PLEKHM3: variants seen among roughly 807,000 people sequenced by gnomAD.
The protein encoded by PLEKHM3 is pleckstrin homology domain-containing family M member 3.
PLEKHM3 carries 45 observed loss-of-function variants against 81.8 expected under a neutral mutation model. That is an observed-to-expected ratio of 0.55 (90% CI 0.43 to 0.71). PLEKHM3 has a LOEUF of 0.71. Ranked by LOEUF, PLEKHM3 falls within the 30% of genes least tolerant of loss-of-function variation. The pLI, the probability that PLEKHM3 is intolerant of heterozygous loss-of-function variation, is 0.00. For synonymous variants in PLEKHM3, 352 were observed against 356.4 expected, an observed-to-expected ratio of 0.99 and a Z score of 0.14; for missense variants, 788 against 924.3, an observed-to-expected ratio of 0.85 and a Z score of 1.91.
chr2:207,909,612 G>C (rs1293947217), intron 5 of PLEKHM3, among the ~76,000 whole-genome samples: 1 of 152,204 alleles, frequency 6.6e-6, no homozygotes, highest in Non-Finnish European at 1.5e-5. Context: ...AAAGAGTTAT[G>C]CATGGGGTCC....
chr2:207,843,124 A>AC lies in PLEKHM3; in HGVS notation c.2109-14629_2109-14628insG. On this transcript the variant is annotated intron_variant, in intron 7 of 7. Transcript: ENST00000427836. This position sits in a 1 kb window ranked among gnomAD's most constrained non-coding sequence, Gnocchi z 4.4. Reference sequence around the variant, plus strand: ...CACCACCATAGCTGGCTCATTTTGTATTTTTTGGAGAGATGGGGTCTCGCC... The same window carrying AC: ...CACCACCATAGCTGGCTCATTTTGTACTTTTTTGGAGAGATGGGGTCTCGCC... 6.6e-6 allele frequency among the ~76,000 whole-genome samples: 1 copy of AC among 152,082 alleles called. No homozygotes were observed. The highest frequency in any genetic ancestry group is 1.9e-4 in the East Asian group (1 of 5,168).
intron 5 of PLEKHM3, among the ~76,000 whole-genome samples, chr2:207,914,030 T>A: frequency 6.6e-6 from 1 of 151,940 alleles, no homozygotes; most frequent in East Asian, 1.9e-4. Flanking sequence ...ACAGTTCAAG[T>A]TTTTACTAAA....
chr2:207,978,738 C>A (rs913369994), intron 2 of PLEKHM3, among the ~76,000 whole-genome samples: 3 of 152,188 alleles, frequency 2.0e-5, no homozygotes, highest in Non-Finnish European at 4.4e-5. Flanking sequence ...TGCACACTTA[C>A]CCTCTTTCAG....
rs191082661 is a variant in PLEKHM3, at chr2:207,946,310, G to A, written c.1692+57C>T. ...TGATCACCATCTTTATAATCCACCT[G>A]AGAACATATGAACACCTGAATTATT... On this transcript the variant is annotated intron_variant, in intron 4 of 7. Transcript: ENST00000427836. The A allele has an allele frequency of 9.0e-5, 140 of 1,557,786 alleles. No homozygotes were observed. The African/African-American group carries it at 1.7e-3, about 19-fold the overall frequency.
chr2:207,908,045 TA>T (rs1574394540), intron 6 of PLEKHM3, among the ~76,000 whole-genome samples: 1 of 152,346 alleles, frequency 6.6e-6, no homozygotes, highest in African/African-American at 2.4e-5. Context: ...GGCAGAATAA[TA>T]TTTTATTATA....
intron 6 of PLEKHM3, among the ~76,000 whole-genome samples, chr2:207,889,693 T>C (rs1457466533): frequency 2.0e-5 from 3 of 152,110 alleles, no homozygotes; most frequent in African/African-American, 7.2e-5. Flanking sequence ...AAATAACATG[T>C]CTTGGGGGCA....
chr2:207,966,469 T>C (rs891604258), intron 3 of PLEKHM3, among the ~76,000 whole-genome samples: 3 of 152,248 alleles, frequency 2.0e-5, no homozygotes, highest in African/African-American at 7.2e-5. Context: ...ATAATACTTG[T>C]GTCTTCCCTA....
chr2:207,871,785 T>A (rs1193527381), intron 6 of PLEKHM3, among the ~76,000 whole-genome samples: 3 of 152,140 alleles, frequency 2.0e-5, no homozygotes, highest in Non-Finnish European at 4.4e-5. Flanking sequence ...GGTTATATGA[T>A]CTGATATAGG....
At chr2:207,858,960 C>T (rs780865382) in intron 7 of PLEKHM3, among the ~76,000 whole-genome samples, 2 of 152,030 alleles carry the variant, frequency 1.3e-5, no homozygotes, top group Non-Finnish European at 2.9e-5. Flanking sequence ...ACTCCCTTTC[C>T]TCCTTCCCCC....
chr2:207,842,181 G>A (rs1559203578), intron 7 of PLEKHM3, among the ~76,000 whole-genome samples: 1 of 152,186 alleles, frequency 6.6e-6, no homozygotes, highest in Non-Finnish European at 1.5e-5. Flanking sequence ...TGATCCGCCT[G>A]CCTCTGCCTC....
At chr2:207,987,272 T>C (rs1458253909) in intron 2 of PLEKHM3, among the ~76,000 whole-genome samples, 1 of 152,088 alleles carries the variant, frequency 6.6e-6, no homozygotes, top group Non-Finnish European at 1.5e-5. Context: ...CTACCAGCCC[T>C]ACTCCCTCCT....
chr2:207,853,785 T>G (rs1207949421), intron 7 of PLEKHM3, among the ~76,000 whole-genome samples: 2 of 152,112 alleles, frequency 1.3e-5, no homozygotes, highest in Non-Finnish European at 2.9e-5. Flanking sequence ...TTATTATTTT[T>G]TTTTTGACAA....
chr2:207,839,806 G>A (rs901620506), intron 7 of PLEKHM3, among the ~76,000 whole-genome samples: 1 of 152,108 alleles, frequency 6.6e-6, no homozygotes, highest in African/African-American at 2.4e-5. Flanking sequence ...ACACACCTAC[G>A]GTCCCAGCTA....
rs368304569 is a variant in PLEKHM3, at chr2:207,983,335, G to C, written c.611-5749C>G. ...CAAAGTGCTGGGATTACAGGCGTGA[G>C]CCACCACGCCTGGCCTAAACATGGA... On this transcript the variant is annotated intron_variant, in intron 2 of 7. Transcript: ENST00000427836. Among the ~76,000 whole-genome samples, 6 of 152,182 alleles carry C rather than the reference G, an allele frequency of 3.9e-5. 1 individual carries two copies. The highest frequency in any genetic ancestry group is 1.4e-4 in the African/African-American group (6 of 41,454).
At chr2:207,967,344 C>T (rs1690952227) in intron 3 of PLEKHM3, among the ~76,000 whole-genome samples, 3 of 152,292 alleles carry the variant, frequency 2.0e-5, no homozygotes, top group Admixed American at 2.0e-4. Flanking sequence ...GGCTTCACGG[C>T]TGCCTCATTT....
At chr2:208,004,535 G>C (rs1014352452) in intron 1 of PLEKHM3, among the ~76,000 whole-genome samples, 4 of 152,168 alleles carry the variant, frequency 2.6e-5, no homozygotes, top group African/African-American at 9.7e-5. Context: ...TTGGGATTAT[G>C]TTTTCAACCT....
At chr2:207,901,136 C>G in intron 6 of PLEKHM3, 1 of 637,508 alleles carries the variant, frequency 1.6e-6, no homozygotes, top group Non-Finnish European at 2.8e-6. Flanking sequence ...ACCTGGGCAA[C>G]AGGGCTCTCT....
intron 6 of PLEKHM3, among the ~76,000 whole-genome samples, chr2:207,868,039 C>A (rs1302962209): frequency 6.6e-6 from 1 of 152,152 alleles, no homozygotes; most frequent in Non-Finnish European, 1.5e-5. Context: ...CCAACAAGTA[C>A]ACAACAGTGA....
chr2:207,835,594 A>G (rs2092314743), intron 7 of PLEKHM3, among the ~76,000 whole-genome samples: 2 of 152,188 alleles, frequency 1.3e-5, no homozygotes, highest in Non-Finnish European at 2.9e-5. Flanking sequence ...GAGAGTCTCA[A>G]ACTCATAAGC....
Sources: allele counts gnomAD v4.1 joint callset (sites outside exome capture counted in the v4.1 genomes callset), GRCh38; gene constraint gnomAD v4.1.1; non-coding constraint Gnocchi (gnomAD v3.1); transcripts MANE v1.5; gene names NCBI Gene and HGNC (gene_info 2026-07-23, HGNC 2026-07-21).